Variants in CIAPIN1 observed in about 807,000 individuals in gnomAD.
The protein encoded by CIAPIN1 is cytokine induced apoptosis inhibitor 1.
CIAPIN1 carries 18 observed loss-of-function variants against 34.3 expected under a neutral mutation model. The ratio of observed to expected loss-of-function variants is 0.52; its 90% CI spans 0.36 to 0.78. CIAPIN1 has a LOEUF of 0.78. Among genes scored for constraint, CIAPIN1 ranks in the 30% least tolerant of loss-of-function variants. The pLI, the probability that CIAPIN1 is intolerant of heterozygous loss-of-function variation, is 0.00. For missense variants in CIAPIN1, 310 were observed against 372.5 expected (o/e 0.83, Z 1.38); for synonymous variants, 131 against 140.4 (o/e 0.93, Z 0.47).
rs189854904 is a variant in CIAPIN1 at position 57,437,579 on chromosome 16, G to A, written c.311-847C>T. ...CACTTTGTCACCCAGGCTGGAGTGC[G>A]GTGGCATGATCTCAGCTCATTGCAG... is the stretch of plus-strand genomic sequence containing the variant. On this transcript the variant is annotated intron_variant, in intron 3 of 8. Coordinates refer to ENST00000394391, the MANE Select transcript of CIAPIN1 (RefSeq NM_020313.4). 7.9e-5 allele frequency among the ~76,000 whole-genome samples: 12 copies of A among 151,704 alleles called. No individual in the cohort carries two copies. In the East Asian group the frequency reaches 1.9e-3, roughly 24 times the overall value.
intron 4 of CIAPIN1, 65 bp from the exon 5 acceptor site, chr16:57,434,277 C>T: frequency 2.7e-6 from 4 of 1,502,416 alleles, no homozygotes; most frequent in Non-Finnish European, 3.7e-6. Context: ...CTATGTCTAC[C>T]TACACAGGAG....
chr16:57,437,333 C>T (rs1903226440), intron 3 of CIAPIN1, among the ~76,000 whole-genome samples: 2 of 152,048 alleles, frequency 1.3e-5, no homozygotes, highest in African/African-American at 4.8e-5. Context: ...TTAGATGATT[C>T]TGCCCAACTG....
intron 7 of CIAPIN1, 59 bp from the exon 8 acceptor site, chr16:57,430,398 C>G: frequency 6.6e-7 from 1 of 1,514,710 alleles, no homozygotes; most frequent in Non-Finnish European, 9.2e-7. Context: ...ATCCCAAATC[C>G]TAACAGTGCC....
intron 5 of CIAPIN1, 67 bp from the exon 6 acceptor site, chr16:57,432,627 A>G (rs639132): frequency 0.13 from 184,341 of 1,392,050 alleles, 14,149 homozygotes; most frequent in African/African-American, 0.32. Flanking sequence ...ACAAACATAC[A>G]TAAATGCTTC....
intron 6 of CIAPIN1, chr16:57,431,601 C>A: frequency 5.6e-6 from 1 of 179,646 alleles, no homozygotes; most frequent in Non-Finnish European, 1.2e-5. Context: ...ACAGGCAGAA[C>A]AGAGAAAGAG....
chr16:57,445,718 T>C lies in CIAPIN1; in HGVS notation c.-56+1624A>G, dbSNP rs139192308. On this transcript the variant is annotated intron_variant, in intron 1 of 8. Coordinates refer to ENST00000394391, the MANE Select transcript of CIAPIN1 (RefSeq NM_020313.4). ...GGAAGGCACAATTACAACCTGCAAA[T>C]GAGACCTAAGAAACCTACTATGTGC... is the stretch of plus-strand genomic sequence containing the variant. Among the ~76,000 whole-genome samples, 221 of 150,038 alleles carry C rather than the reference T, an allele frequency of 1.5e-3. 2 individuals are homozygous for C. The highest frequency in any genetic ancestry group is 3.1e-3 in the Admixed American group (46 of 15,016).
intron 7 of CIAPIN1, 50 bp downstream of exon 7, chr16:57,431,101 A>C (rs775116211): frequency 8.7e-7 from 1 of 1,144,384 alleles, no homozygotes; most frequent in East Asian, 2.3e-5. Flanking sequence ...TGTCTTCAGC[A>C]TGAAGCCACT....
At chr16:57,437,510 A>ATTT (rs1204492202) in intron 3 of CIAPIN1, among the ~76,000 whole-genome samples, 1 of 146,724 alleles carries the variant, frequency 6.8e-6, no homozygotes, top group African/African-American at 2.6e-5. Flanking sequence ...TAGTGATATT[A>ATTT]TTTTATTATT....
intron 2 of CIAPIN1, 59 bp from the exon 3 acceptor site, chr16:57,439,393 C>A (rs1314683939): frequency 6.3e-7 from 1 of 1,586,100 alleles, no homozygotes; most frequent in Non-Finnish European, 8.6e-7. Flanking sequence ...CTCCTGGTCC[C>A]TTCCAACCCC....
intron 1 of CIAPIN1, among the ~76,000 whole-genome samples, chr16:57,446,469 A>G (rs2030076109): frequency 6.6e-6 from 1 of 152,234 alleles, no homozygotes; most frequent in African/African-American, 2.4e-5. Context: ...AACAGACACA[A>G]TGATGGGGTC....
At chr16:57,440,685 A>G in intron 2 of CIAPIN1, 87 bp downstream of exon 2, 1 of 1,441,444 alleles carries the variant, frequency 6.9e-7, no homozygotes, top group Non-Finnish European at 9.4e-7. Context: ...CCCTAAATGA[A>G]AACTCAGATA....
chr16:57,436,782 A>G, intron 3 of CIAPIN1, 50 bp from the exon 4 acceptor site: 1 of 1,510,644 alleles, frequency 6.6e-7, no homozygotes, highest in Non-Finnish European at 9.2e-7. Flanking sequence ...AAAGTAGGAA[A>G]AATAATAAAG....
intron 6 of CIAPIN1, among the ~76,000 whole-genome samples, chr16:57,431,655 C>A (rs1489758489): frequency 6.6e-6 from 1 of 152,152 alleles, no homozygotes; most frequent in Non-Finnish European, 1.5e-5. Flanking sequence ...AATAAAATAT[C>A]TTTTACATAA....
rs1194141126 is a variant in CIAPIN1 at position 57,430,281 on chromosome 16, G to T, written c.805C>A (p.Gln269Lys). ...KEKSREQMSSQPKSACGNCYL... is the reference protein window; with the variant it reads ...KEKSREQMSSKPKSACGNCYL... ...ACGTTTCCACAAGCTGACTTGGGTTGGGAGCTCATCTGTTCCCTTGACTTC... is the reference window on the plus strand; with the variant it reads ...ACGTTTCCACAAGCTGACTTGGGTTTGGAGCTCATCTGTTCCCTTGACTTC... Residue 269 changes from glutamine (Q) to lysine (K), a missense_variant, in exon 8 of 9, where the codon CAA (glutamine) becomes AAA (lysine). Physicochemically the swap from Gln to Lys is moderately conservative, Grantham distance 53. Transcript: ENST00000394391. The T allele has an allele frequency of 1.2e-6, 2 of 1,614,214 alleles. No individual in the cohort carries two copies. Among genetic ancestry groups the T allele is most frequent in the Admixed American group, 3.3e-5 (2 of 60,028 alleles).
intron 3 of CIAPIN1, among the ~76,000 whole-genome samples, chr16:57,437,627 A>C (rs1349353205): frequency 6.6e-6 from 1 of 151,936 alleles, no homozygotes; most frequent in Non-Finnish European, 1.5e-5. Flanking sequence ...AGGTTCAAGC[A>C]ATCTTCCTGC....
At chr16:57,434,414 G>A (rs1354657892) in intron 4 of CIAPIN1, among the ~76,000 whole-genome samples, 2 of 152,106 alleles carry the variant, frequency 1.3e-5, no homozygotes, top group African/African-American at 4.8e-5. Flanking sequence ...TGTTTACTTG[G>A]AGCCTACCCC....
intron 6 of CIAPIN1, chr16:57,431,483 G>C: frequency 4.7e-6 from 2 of 423,240 alleles, no homozygotes; most frequent in Non-Finnish European, 8.6e-6. Flanking sequence ...AGGATGCAAA[G>C]GAATTAGAAA....
intron 4 of CIAPIN1, among the ~76,000 whole-genome samples, chr16:57,435,499 G>A (rs1453292737): frequency 6.6e-6 from 1 of 152,142 alleles, no homozygotes; most frequent in Non-Finnish European, 1.5e-5. Flanking sequence ...AGAATCTAAG[G>A]CCTGGCATAA....
intron 8 of CIAPIN1, 51 bp downstream of exon 8, chr16:57,430,207 T>C (rs774825685): frequency 6.7e-7 from 1 of 1,494,992 alleles, no homozygotes; most frequent in Admixed American, 1.7e-5. Context: ...TAGAAGAAGG[T>C]CTAATCCCCC....
Sources: allele counts gnomAD v4.1 joint callset (sites outside exome capture counted in the v4.1 genomes callset), GRCh38; gene constraint gnomAD v4.1.1; transcripts MANE v1.5; gene names NCBI Gene and HGNC (gene_info 2026-07-23, HGNC 2026-07-21).